The following PDE1A variants were observed in gnomAD, a reference collection of about 807,000 sequenced individuals.
PDE1A encodes dual specificity calcium/calmodulin-dependent 3',5'-cyclic nucleotide phosphodiesterase 1A.
A neutral mutation model predicts 61.7 loss-of-function variants in PDE1A; 35 were observed. That is an observed-to-expected ratio of 0.57 (90% CI 0.43 to 0.75). PDE1A has a LOEUF of 0.75. Ranked by LOEUF, PDE1A falls within the 30% of genes least tolerant of loss-of-function variation. The probability of loss-of-function intolerance (pLI) is 0.00; values close to 1 mark genes in which losing one functional copy is unlikely to be tolerated. For synonymous variants in PDE1A, 232 were observed against 213.2 expected (o/e 1.09, Z -0.77); for missense variants, 597 against 630.6 (o/e 0.95, Z 0.57).
At chr2:182,598,042 A>G in the PDE1A span, among the ~76,000 whole-genome samples, 7 of 152,244 alleles carry the variant, frequency 4.6e-5, no homozygotes, top group Non-Finnish European at 1.0e-4. Context: ...TGGGTCACCA[A>G]TGCAAAATTA....
the PDE1A span, among the ~76,000 whole-genome samples, chr2:182,679,350 A>ATTTTTTTTTTTTTTTTTTTTTT: frequency 8.4e-6 from 1 of 119,450 alleles, no homozygotes; most frequent in African/African-American, 3.3e-5. Context: ...TGCTCAGCTA[A>ATTTTTTTTTTTTTTTTTTTTTT]TTTTTTTTTT....
chr2:182,492,198 C>T (rs931351405), intron 2 of PDE1A, among the ~76,000 whole-genome samples: 5 of 152,136 alleles, frequency 3.3e-5, no homozygotes, highest in African/African-American at 1.2e-4. Context: ...GGCTTCCTCT[C>T]CTCTACCTAT....
At chr2:182,504,840 T>C (rs1264010905) in intron 2 of PDE1A, among the ~76,000 whole-genome samples, 1 of 152,240 alleles carries the variant, frequency 6.6e-6, no homozygotes, top group African/African-American at 2.4e-5. Context: ...CACCTTGGAC[T>C]TGAATGTCTG....
At chr2:182,386,052 G>A (rs1391162474) in intron 1 of PDE1A, among the ~76,000 whole-genome samples, 6 of 152,188 alleles carry the variant, frequency 3.9e-5, no homozygotes, top group South Asian at 2.1e-4. Flanking sequence ...ACGGGGTTTC[G>A]CTGTGTTGGC....
intron 7 of PDE1A, among the ~76,000 whole-genome samples, chr2:182,211,138 T>C (rs963259894): frequency 5.9e-5 from 9 of 152,158 alleles, no homozygotes; most frequent in Admixed American, 3.3e-4. Context: ...CCCTGTCACA[T>C]TGGGAGTTAT....
At chr2:182,533,055 T>C in the PDE1A span, among the ~76,000 whole-genome samples, 1 of 151,196 alleles carries the variant, frequency 6.6e-6, no homozygotes, top group Non-Finnish European at 1.5e-5. Flanking sequence ...CTCAGTCCTG[T>C]AAACCCAGCA....
chr2:182,281,404 G>A (rs972253629), intron 1 of PDE1A, among the ~76,000 whole-genome samples: 4 of 151,948 alleles, frequency 2.6e-5, no homozygotes, highest in African/African-American at 9.6e-5. Context: ...ACAAGCCTGT[G>A]GAGCAAATGG....
intron 7 of PDE1A, among the ~76,000 whole-genome samples, chr2:182,206,473 C>A (rs1461796410): frequency 6.6e-6 from 1 of 152,148 alleles, no homozygotes; most frequent in African/African-American, 2.4e-5. Context: ...TGCGTTTAGA[C>A]AAGTGAATAA....
chr2:182,240,393 A>G, intron 2 of PDE1A, 101 bp from the exon 3 acceptor site: 2 of 655,768 alleles, frequency 3.0e-6, no homozygotes, highest in Admixed American at 3.6e-5. Flanking sequence ...ATAGCCAATC[A>G]CTCTCTGATT....
chr2:182,674,379 C>T, the PDE1A span, among the ~76,000 whole-genome samples: 6 of 152,084 alleles, frequency 3.9e-5, no homozygotes, highest in Non-Finnish European at 5.9e-5. Context: ...AAACTTTTCC[C>T]CAATTATCTC....
At chr2:182,471,476 A>G (rs1158003084) in intron 2 of PDE1A, among the ~76,000 whole-genome samples, 1 of 151,704 alleles carries the variant, frequency 6.6e-6, no homozygotes, top group Non-Finnish European at 1.5e-5. Flanking sequence ...ACTAAAATGA[A>G]ACTAGTTTTT....
chr2:182,319,027 TTTCATGCC>T (rs1003759514), intron 1 of PDE1A, among the ~76,000 whole-genome samples: 3 of 152,284 alleles, frequency 2.0e-5, no homozygotes, highest in African/African-American at 7.2e-5. Flanking sequence ...TCATTTTACC[TTTCATGCC>T]TTCATGTTTT....
At chr2:182,694,824 G>GT in the PDE1A span, among the ~76,000 whole-genome samples, 12 of 95,508 alleles carry the variant, frequency 1.3e-4, no homozygotes, top group Non-Finnish European at 2.3e-4. Flanking sequence ...AAAAAAAAAG[G>GT]TGGGGGGGGG....
chr2:182,442,334 A>T (rs12468743), intron 2 of PDE1A, among the ~76,000 whole-genome samples: 1 of 151,810 alleles, frequency 6.6e-6, no homozygotes, highest in Non-Finnish European at 1.5e-5. Flanking sequence ...AGGTTGAAGA[A>T]CCACTCCAAA....
chr2:182,256,788 T>C (rs897435805), intron 2 of PDE1A, among the ~76,000 whole-genome samples: 7 of 152,188 alleles, frequency 4.6e-5, no homozygotes, highest in Non-Finnish European at 1.0e-4. Context: ...GATACCAACC[T>C]TTCATCCTAA....
intron 2 of PDE1A, among the ~76,000 whole-genome samples, chr2:182,496,802 G>A (rs1688744001): frequency 6.6e-6 from 1 of 152,238 alleles, no homozygotes; most frequent in South Asian, 2.1e-4. Context: ...CTTCCTGACT[G>A]AATCACAGCT....
At chr2:182,251,538 T>A (rs1261148658) in intron 2 of PDE1A, among the ~76,000 whole-genome samples, 1 of 152,200 alleles carries the variant, frequency 6.6e-6, no homozygotes, top group East Asian at 1.9e-4. Flanking sequence ...ACCTATTGAA[T>A]CAGAAAGTCT....
chr2:182,453,160 T>A (rs1477824018), intron 2 of PDE1A, among the ~76,000 whole-genome samples: 1 of 152,156 alleles, frequency 6.6e-6, no homozygotes, highest in Non-Finnish European at 1.5e-5. Flanking sequence ...TAGTTTCTGC[T>A]CAAGTTTTCA....
At chr2:182,174,314 C>T (rs1343554972) in intron 13 of PDE1A, among the ~76,000 whole-genome samples, 5 of 152,042 alleles carry the variant, frequency 3.3e-5, no homozygotes, top group African/African-American at 4.8e-5. Flanking sequence ...CGTCCATGGA[C>T]GCAGACCTAG....
Sources: gnomAD v4.1 joint callset for allele counts (sites outside exome capture counted in the v4.1 genomes callset) on GRCh38, gnomAD v4.1.1 for gene constraint, MANE v1.5 for transcripts, NCBI Gene and HGNC (gene_info 2026-07-23, HGNC 2026-07-21) for gene names.